WDR70: variants seen among roughly 807,000 people sequenced by gnomAD.
WDR70 encodes WD repeat domain 70.
In WDR70, 53 loss-of-function variants were observed where a neutral mutation model predicts 88.6. That is an observed-to-expected ratio of 0.60 (90% CI 0.48 to 0.75). The LOEUF is 0.75. Among genes scored for constraint, WDR70 ranks in the 30% least tolerant of loss-of-function variants. The probability of loss-of-function intolerance (pLI) is 0.00; values close to 1 mark genes in which losing one functional copy is unlikely to be tolerated. For synonymous variants in WDR70, 280 were observed against 270.0 expected (o/e 1.04, Z -0.36); for missense variants, 610 against 823.2 (o/e 0.74, Z 3.17).
intron 10 of WDR70, among the ~76,000 whole-genome samples, chr5:37,663,304 G>A (rs1243556980): frequency 2.0e-5 from 3 of 152,050 alleles, no homozygotes; most frequent in South Asian, 2.1e-4. Flanking sequence ...CATAGTACTC[G>A]GAGAAAAGGC....
intron 10 of WDR70, among the ~76,000 whole-genome samples, chr5:37,644,600 G>C (rs1005189562): frequency 6.6e-6 from 1 of 151,930 alleles, no homozygotes; most frequent in Non-Finnish European, 1.5e-5. Flanking sequence ...AGTGAAGCCA[G>C]CAGGTCCCAG....
At chr5:37,576,677 A>G (rs1478137242) in intron 9 of WDR70, among the ~76,000 whole-genome samples, 1 of 152,092 alleles carries the variant, frequency 6.6e-6, no homozygotes, top group Non-Finnish European at 1.5e-5. Flanking sequence ...AAGAACCCAA[A>G]GTAGCTAGAC....
At chr5:37,743,564 G>A (rs781572167) in intron 17 of WDR70, among the ~76,000 whole-genome samples, 3 of 152,200 alleles carry the variant, frequency 2.0e-5, no homozygotes, top group Non-Finnish European at 4.4e-5. Context: ...ATAACTCCAG[G>A]CTGCATTTTT....
At chr5:37,619,519 T>C (rs1650042644) in intron 10 of WDR70, among the ~76,000 whole-genome samples, 1 of 152,220 alleles carries the variant, frequency 6.6e-6, no homozygotes, top group South Asian at 2.1e-4. Context: ...TTAACTATTA[T>C]AAACAAAATA....
chr5:37,635,021 T>C (rs1744916876), intron 10 of WDR70, among the ~76,000 whole-genome samples: 1 of 152,206 alleles, frequency 6.6e-6, no homozygotes, highest in Non-Finnish European at 1.5e-5. Flanking sequence ...TTTTTTTGAC[T>C]TGAGGCTGGA....
chr5:37,397,541 T>G (rs558821233), intron 5 of WDR70, among the ~76,000 whole-genome samples: 2 of 152,238 alleles, frequency 1.3e-5, no homozygotes, highest in African/African-American at 4.8e-5. Flanking sequence ...TTGGGAGGAT[T>G]TAAGAGCAAA....
chr5:37,456,002 A>G (rs1738826279), intron 7 of WDR70, among the ~76,000 whole-genome samples: 1 of 151,308 alleles, frequency 6.6e-6, no homozygotes, highest in Admixed American at 6.6e-5. Context: ...TTACCAGTTG[A>G]TAGACATTTG....
intron 9 of WDR70, among the ~76,000 whole-genome samples, chr5:37,521,113 T>C (rs569595457): frequency 1.1e-4 from 16 of 152,284 alleles, no homozygotes; most frequent in Non-Finnish European, 1.5e-4. Flanking sequence ...AAAAAAACTT[T>C]GTTCTCAAAA....
intron 10 of WDR70, among the ~76,000 whole-genome samples, chr5:37,658,541 C>A (rs1351101536): frequency 6.6e-6 from 1 of 152,040 alleles, no homozygotes; most frequent in Admixed American, 6.6e-5. Context: ...CTTTCAAAAC[C>A]CCCCTTAAAT....
intron 9 of WDR70, among the ~76,000 whole-genome samples, chr5:37,585,086 G>A (rs994477471): frequency 7.3e-6 from 1 of 137,604 alleles, no homozygotes; most frequent in African/African-American, 2.8e-5. Context: ...TGCCTCCCAG[G>A]TTCAAGTGAT....
At chr5:37,399,374 T>C (rs1749128642) in intron 5 of WDR70, among the ~76,000 whole-genome samples, 1 of 152,154 alleles carries the variant, frequency 6.6e-6, no homozygotes, top group African/African-American at 2.4e-5. Context: ...TGAGTCAAGA[T>C]TGCACCACTG....
intron 10 of WDR70, among the ~76,000 whole-genome samples, chr5:37,622,857 G>A (rs12187311): frequency 0.47 from 70,837 of 151,420 alleles, 17,945 homozygotes; most frequent in Non-Finnish European, 0.57. Flanking sequence ...TAACCTGCAC[G>A]TTGTGCACAT....
chr5:37,439,962 T>C (rs1433034387), intron 6 of WDR70, among the ~76,000 whole-genome samples: 4 of 152,180 alleles, frequency 2.6e-5, no homozygotes, highest in Admixed American at 2.6e-4. Context: ...ATACACTCTT[T>C]CCTACATAAT....
chr5:37,749,236 A>C (rs1204911746), intron 17 of WDR70, among the ~76,000 whole-genome samples: 1 of 152,254 alleles, frequency 6.6e-6, no homozygotes, highest in Non-Finnish European at 1.5e-5. Flanking sequence ...GACTGGATAA[A>C]GAAGTATAGT....
intron 13 of WDR70, among the ~76,000 whole-genome samples, chr5:37,719,978 G>T (rs1261357955): frequency 2.0e-5 from 3 of 151,880 alleles, no homozygotes; most frequent in African/African-American, 7.3e-5. Flanking sequence ...GAGTAGCTCG[G>T]ACTACAGGCG....
In WDR70 at chr5:37,734,425, T is replaced by G. The variant is rs1198995814; in HGVS notation, c.1877+7380T>G. Among the ~76,000 whole-genome samples, 3 of 152,256 alleles carry G rather than the reference T, an allele frequency of 2.0e-5. No homozygotes were observed. The East Asian group carries it at 5.8e-4, about 29-fold the overall frequency. The stretch of plus-strand genomic sequence containing the variant: ...ATTTATTCATGCAAAAGAGATTTAC[T>G]GAACACCAACTATGTGTTAGATACT... On this transcript the variant is annotated intron_variant, in intron 17 of 17. Coordinates refer to ENST00000265107, the MANE Select transcript of WDR70 (RefSeq NM_018034.4).
At chr5:37,527,200 G>A (rs1741307645) in intron 9 of WDR70, among the ~76,000 whole-genome samples, 1 of 152,116 alleles carries the variant, frequency 6.6e-6, no homozygotes. Context: ...AAAGTACAAA[G>A]CTGGAGGCAT....
chr5:37,557,957 A>ACTCTTT, intron 9 of WDR70, among the ~76,000 whole-genome samples: 25 of 139,326 alleles, frequency 1.8e-4, no homozygotes, highest in African/African-American at 2.3e-4. Context: ...TCAAAAGAGT[A>ACTCTTT]TTATGTATAT....
At chr5:37,406,965 A>C (rs182902868) in intron 5 of WDR70, among the ~76,000 whole-genome samples, 21 of 152,328 alleles carry the variant, frequency 1.4e-4, no homozygotes, top group Admixed American at 6.5e-4. Flanking sequence ...ACTCTACCTG[A>C]AACAAAAGGA....
Sources: allele counts gnomAD v4.1 joint callset (sites outside exome capture counted in the v4.1 genomes callset), GRCh38; gene constraint gnomAD v4.1.1; transcripts MANE v1.5; gene names NCBI Gene and HGNC (gene_info 2026-07-23, HGNC 2026-07-21).